The following NBEA variants were observed in gnomAD, a reference collection of about 807,000 sequenced individuals.
NBEA encodes neurobeachin.
NBEA carries 44 observed loss-of-function variants against 343.4 expected under a neutral mutation model. The ratio of observed to expected loss-of-function variants is 0.13; its 90% CI spans 0.10 to 0.16. NBEA has a LOEUF of 0.16. Among genes scored for constraint, NBEA ranks in the 10% least tolerant of loss-of-function variants. The probability of loss-of-function intolerance (pLI) is 1.00; values close to 1 mark genes in which losing one functional copy is unlikely to be tolerated. For synonymous variants in NBEA, 1,175 were observed against 1,238.7 expected (o/e 0.95, Z 1.08); for missense variants, 2,555 against 3,631.3 (o/e 0.70, Z 7.62).
At chr13:35,362,540 T>C (rs1258778042) in intron 38 of NBEA, among the ~76,000 whole-genome samples, 2 of 151,998 alleles carry the variant, frequency 1.3e-5, no homozygotes, top group African/African-American at 2.4e-5. Flanking sequence ...TTGACAGTTA[T>C]TGAGTTAGAC....
chr13:35,312,261 T>C (rs2037419987), intron 36 of NBEA, among the ~76,000 whole-genome samples: 1 of 152,128 alleles, frequency 6.6e-6, no homozygotes, highest in Non-Finnish European at 1.5e-5. Flanking sequence ...TGCATTCCAC[T>C]GAGTGGTGGG....
chr13:35,472,230 G>C (rs181711755), intron 40 of NBEA, among the ~76,000 whole-genome samples, 170 bp from the exon 41 acceptor site: 1 of 152,274 alleles, frequency 6.6e-6, no homozygotes, highest in Non-Finnish European at 1.5e-5. Context: ...ATAAGGTAAT[G>C]TATAAAAGCT....
chr13:35,394,484 C>G (rs1434170403), intron 38 of NBEA, among the ~76,000 whole-genome samples: 1 of 151,952 alleles, frequency 6.6e-6, no homozygotes, highest in Non-Finnish European at 1.5e-5. Context: ...TAAAGATTTT[C>G]CAAATCAAAT....
intron 47 of NBEA, among the ~76,000 whole-genome samples, chr13:35,599,175 C>T (rs1173290421): frequency 6.6e-6 from 1 of 152,136 alleles, no homozygotes; most frequent in Non-Finnish European, 1.5e-5. Flanking sequence ...CCACCAGGCT[C>T]CTCACCACCC....
At chr13:35,046,020 G>A (rs1297954371) in intron 4 of NBEA, among the ~76,000 whole-genome samples, 4 of 152,026 alleles carry the variant, frequency 2.6e-5, no homozygotes, top group Non-Finnish European at 4.4e-5. Flanking sequence ...CACTGCACCC[G>A]GCCTGGTATA....
At chr13:35,313,475 T>C (rs2037506980) in intron 36 of NBEA, among the ~76,000 whole-genome samples, 1 of 152,164 alleles carries the variant, frequency 6.6e-6, no homozygotes, top group Admixed American at 6.6e-5. Flanking sequence ...AAGAAAAGAA[T>C]GGTGAGTGGA....
intron 48 of NBEA, among the ~76,000 whole-genome samples, chr13:35,617,744 C>T (rs1237401677): frequency 1.3e-5 from 2 of 152,124 alleles, no homozygotes; most frequent in African/African-American, 2.4e-5. Flanking sequence ...AACTCCTGGT[C>T]GGTTTTCTCA....
At chr13:35,619,722 G>A (rs985665111) in intron 48 of NBEA, among the ~76,000 whole-genome samples, 14 of 152,130 alleles carry the variant, frequency 9.2e-5, no homozygotes, top group African/African-American at 3.4e-4. Context: ...CTCAAGGTTT[G>A]TTCAAGTCAT....
chr13:34,982,352 C>T (rs35044372), intron 1 of NBEA, among the ~76,000 whole-genome samples: 2 of 151,750 alleles, frequency 1.3e-5, no homozygotes, highest in Admixed American at 1.3e-4. Context: ...CTGGGGTGCA[C>T]TGGTGCGACC....
chr13:35,298,153 T>A (rs912274131), intron 35 of NBEA, among the ~76,000 whole-genome samples: 1 of 149,594 alleles, frequency 6.7e-6, no homozygotes, highest in Non-Finnish European at 1.5e-5. Flanking sequence ...TTATTAAAAA[T>A]ATATATAGAT....
chr13:35,241,833 C>A (rs994802716), intron 34 of NBEA, among the ~76,000 whole-genome samples: 1 of 151,820 alleles, frequency 6.6e-6, no homozygotes, highest in Non-Finnish European at 1.5e-5. Flanking sequence ...TTGCCCTTAT[C>A]CCACACCCTC....
intron 31 of NBEA, among the ~76,000 whole-genome samples, chr13:35,204,708 A>G (rs1005780078): frequency 1.3e-5 from 2 of 151,156 alleles, no homozygotes; most frequent in African/African-American, 4.9e-5. Context: ...AGAAGAGCAT[A>G]ATACCTGAAT....
chr13:35,603,239 C>A (rs1015998070), intron 47 of NBEA, among the ~76,000 whole-genome samples: 3 of 152,158 alleles, frequency 2.0e-5, no homozygotes, highest in Admixed American at 6.6e-5. Flanking sequence ...CATCCAATAT[C>A]TTTAATAGCT....
chr13:35,007,279 T>TC (rs558742343), intron 1 of NBEA, among the ~76,000 whole-genome samples: 1 of 152,122 alleles, frequency 6.6e-6, no homozygotes, highest in Non-Finnish European at 1.5e-5. Flanking sequence ...CATCCTTTTT[T>TC]CCCCCCTCTG....
chr13:35,603,775 A>G (rs1305658382), intron 47 of NBEA, among the ~76,000 whole-genome samples: 1 of 152,164 alleles, frequency 6.6e-6, no homozygotes, highest in East Asian at 1.9e-4. Flanking sequence ...CACACTCCCA[A>G]CCGAGCAGCT....
chr13:35,554,242 GAA>G (rs2079477592), intron 43 of NBEA, among the ~76,000 whole-genome samples: 5 of 152,164 alleles, frequency 3.3e-5, no homozygotes, highest in Admixed American at 2.6e-4. Context: ...GGAGCACTAT[GAA>G]AAATTATGGA....
intron 37 of NBEA, 43 bp downstream of exon 37, chr13:35,349,259 A>G: frequency 8.2e-7 from 1 of 1,216,992 alleles, no homozygotes; most frequent in East Asian, 2.4e-5. Flanking sequence ...TTCTATTATA[A>G]GCCAAAAATC....
chr13:35,531,706 A>C (rs117096954), intron 41 of NBEA, among the ~76,000 whole-genome samples: 1 of 152,186 alleles, frequency 6.6e-6, no homozygotes, highest in Non-Finnish European at 1.5e-5. Flanking sequence ...GAGCATTTCA[A>C]TATAATCCAA....
chr13:35,340,453 A>T (rs1283151291), intron 36 of NBEA, among the ~76,000 whole-genome samples: 1 of 152,074 alleles, frequency 6.6e-6, no homozygotes, highest in African/African-American at 2.4e-5. Flanking sequence ...AGGGCTGAGG[A>T]TGGAGGAGCA....
Sources: allele counts gnomAD v4.1 joint callset (sites outside exome capture counted in the v4.1 genomes callset), GRCh38; gene constraint gnomAD v4.1.1; transcripts MANE v1.5; gene names NCBI Gene and HGNC (gene_info 2026-07-23, HGNC 2026-07-21).